The following RANBP2 variants were observed in gnomAD, a reference collection of about 807,000 sequenced individuals.
RANBP2 encodes the protein RAN binding protein 2.
Under a neutral mutation model 303.6 loss-of-function variants are expected in RANBP2, and 57 were observed. The ratio of observed to expected loss-of-function variants is 0.19; its 90% CI spans 0.15 to 0.23. The LOEUF is 0.23. RANBP2 is among the 10% of genes least tolerant of loss of function. The probability of loss-of-function intolerance (pLI) is 1.00; values close to 1 mark genes in which losing one functional copy is unlikely to be tolerated. For synonymous variants in RANBP2, 1,167 were observed against 1,301.5 expected, an observed-to-expected ratio of 0.90 and a Z score of 2.23; for missense variants, 3,138 against 3,780.8, an observed-to-expected ratio of 0.83 and a Z score of 4.46.
the RANBP2 span, among the ~76,000 whole-genome samples, chr2:108,858,385 CTTG>C: frequency 5.9e-5 from 9 of 152,160 alleles, no homozygotes; most frequent in South Asian, 1.5e-3. Flanking sequence ...ACGCTGTGCC[CTTG>C]TTGTTCAAAT....
the RANBP2 span, among the ~76,000 whole-genome samples, chr2:109,179,540 C>G: frequency 2.0e-5 from 3 of 152,170 alleles, no homozygotes; most frequent in Non-Finnish European, 4.4e-5. Context: ...CATGAGCTCA[C>G]AGTTCTGGAG....
the RANBP2 span, among the ~76,000 whole-genome samples, chr2:108,870,002 C>T: frequency 2.0e-5 from 3 of 152,084 alleles, no homozygotes; most frequent in Non-Finnish European, 4.4e-5. Flanking sequence ...GACTTTAAAA[C>T]AACTATCTTA....
At chr2:109,153,829 C>A in the RANBP2 span, among the ~76,000 whole-genome samples, 1 of 152,226 alleles carries the variant, frequency 6.6e-6, no homozygotes, top group Non-Finnish European at 1.5e-5. Flanking sequence ...TTCCTGCAGA[C>A]CTGCTTCCTG....
chr2:109,618,643 G>T, the RANBP2 span: 1 of 166,850 alleles, frequency 6.0e-6, no homozygotes, highest in African/African-American at 2.4e-5. Flanking sequence ...AAAAGCAAAT[G>T]ATTGATATAA....
chr2:109,263,090 C>T, the RANBP2 span, among the ~76,000 whole-genome samples: 2 of 152,132 alleles, frequency 1.3e-5, no homozygotes, highest in African/African-American at 4.8e-5. Flanking sequence ...AGGTAATTCA[C>T]CCACCTCGGC....
chr2:108,827,038 G>A, the RANBP2 span, among the ~76,000 whole-genome samples: 1 of 151,920 alleles, frequency 6.6e-6, no homozygotes, highest in Non-Finnish European at 1.5e-5. Context: ...TTCATTTTTG[G>A]ATTGTACATT....
intron 19 of RANBP2, among the ~76,000 whole-genome samples, chr2:108,762,906 T>C (rs1396809487): frequency 6.6e-6 from 1 of 152,182 alleles, no homozygotes; most frequent in Non-Finnish European, 1.5e-5. Context: ...ATGCTATACA[T>C]AATTTTCATT....
At chr2:109,593,224 T>A in the RANBP2 span, 12 of 687,960 alleles carry the variant, frequency 1.7e-5, no homozygotes, top group South Asian at 3.8e-5. Context: ...AATAATGTTG[T>A]TATCACCAAG....
the RANBP2 span, among the ~76,000 whole-genome samples, chr2:109,181,686 G>C: frequency 2.0e-5 from 3 of 152,162 alleles, no homozygotes; most frequent in Non-Finnish European, 4.4e-5. Flanking sequence ...GGCCACAGGG[G>C]GTTCCTATTC....
At chr2:109,525,267 G>C in the RANBP2 span, among the ~76,000 whole-genome samples, 21 of 152,114 alleles carry the variant, frequency 1.4e-4, no homozygotes, top group Non-Finnish European at 2.9e-4. Flanking sequence ...AGATTCTTCT[G>C]CCTCAGCCTC....
At chr2:109,714,159 C>T in the RANBP2 span, among the ~76,000 whole-genome samples, 1 of 152,128 alleles carries the variant, frequency 6.6e-6, no homozygotes, top group African/African-American at 2.4e-5. Context: ...CAGCTAACTG[C>T]AACCTCTACC....
the RANBP2 span, among the ~76,000 whole-genome samples, chr2:109,426,978 A>T: frequency 6.8e-3 from 1,005 of 148,726 alleles, 6 homozygotes; most frequent in Middle Eastern, 0.017. Flanking sequence ...ATATATATAT[A>T]TTTTTTTTTG....
the RANBP2 span, among the ~76,000 whole-genome samples, chr2:109,308,601 T>A: frequency 1.9e-5 from 1 of 53,792 alleles, no homozygotes; most frequent in Non-Finnish European, 2.9e-5. Flanking sequence ...GATTTTTGTA[T>A]AAGGTGTAAG....
At chr2:108,836,942 T>A in the RANBP2 span, among the ~76,000 whole-genome samples, 3 of 152,266 alleles carry the variant, frequency 2.0e-5, no homozygotes, top group East Asian at 3.9e-4. Flanking sequence ...ATTTATGTAT[T>A]CTTTTTTTTT....
the RANBP2 span, among the ~76,000 whole-genome samples, chr2:109,212,024 G>A: frequency 6.6e-6 from 1 of 152,244 alleles, no homozygotes; most frequent in Admixed American, 6.5e-5. Flanking sequence ...TTGAGCACCT[G>A]CATTGGTGTA....
At chr2:108,759,763 G>A (rs891323026) in intron 18 of RANBP2, among the ~76,000 whole-genome samples, 3 of 152,072 alleles carry the variant, frequency 2.0e-5, no homozygotes, top group Non-Finnish European at 4.4e-5. Flanking sequence ...TAAACAAACC[G>A]GCTAGCCTTT....
the RANBP2 span, among the ~76,000 whole-genome samples, chr2:108,828,229 A>G: frequency 1.3e-5 from 2 of 152,250 alleles, no homozygotes. Context: ...ATAACATTAA[A>G]TATTTATCAA....
chr2:109,262,514 G>A, the RANBP2 span, among the ~76,000 whole-genome samples: 1 of 152,156 alleles, frequency 6.6e-6, no homozygotes, highest in East Asian at 1.9e-4. Flanking sequence ...ACCTACCCAG[G>A]CCCTTTCCTT....
chr2:109,474,617 G>C, the RANBP2 span, among the ~76,000 whole-genome samples: 2 of 152,208 alleles, frequency 1.3e-5, no homozygotes, highest in Admixed American at 1.3e-4. Flanking sequence ...GGCAGGGGGG[G>C]AGAACGCAGG....
Sources: allele counts gnomAD v4.1 joint callset (sites outside exome capture counted in the v4.1 genomes callset), GRCh38; gene constraint gnomAD v4.1.1; transcripts MANE v1.5; gene names NCBI Gene and HGNC (gene_info 2026-07-23, HGNC 2026-07-21).